Variants in EPB41L3 observed in about 807,000 individuals in gnomAD.
The protein encoded by EPB41L3 is erythrocyte membrane protein band 4.1 like 3, also known as band 4.1-like protein 3.
Under a neutral mutation model 127.1 loss-of-function variants are expected in EPB41L3, and 57 were observed. The ratio of observed to expected loss-of-function variants is 0.45; its 90% CI spans 0.36 to 0.56. The LOEUF is 0.56. EPB41L3 is among the 20% of genes least tolerant of loss of function. The pLI is 0.00. For synonymous variants in EPB41L3, 572 were observed against 549.5 expected (o/e 1.04, Z -0.57); for missense variants, 1,273 against 1,372.2 (o/e 0.93, Z 1.14).
intron 3 of EPB41L3, among the ~76,000 whole-genome samples, chr18:5,460,012 G>A (rs932661755): frequency 2.0e-5 from 3 of 152,170 alleles, no homozygotes; most frequent in Non-Finnish European, 2.9e-5. Flanking sequence ...CAGGCAGTGA[G>A]CATAGTATCC....
chr18:5,582,592 T>C (rs972764286), intron 3 of EPB41L3, among the ~76,000 whole-genome samples: 1 of 152,198 alleles, frequency 6.6e-6, no homozygotes, highest in East Asian at 1.9e-4. Flanking sequence ...CTTGGTATTT[T>C]TTACAAGGTC....
chr18:5,509,568 T>C (rs1314129002), intron 1 of EPB41L3, among the ~76,000 whole-genome samples: 1 of 152,208 alleles, frequency 6.6e-6, no homozygotes, highest in Non-Finnish European at 1.5e-5. Flanking sequence ...CCAAACTGCA[T>C]CTGCTCAAAC....
At chr18:5,555,825 T>A (rs1037870204) in intron 3 of EPB41L3, among the ~76,000 whole-genome samples, 7 of 152,152 alleles carry the variant, frequency 4.6e-5, no homozygotes, top group Non-Finnish European at 1.0e-4. Flanking sequence ...AAGACAACAC[T>A]CTCAAATGCA....
Position 5,620,283 on chromosome 18 carries a change from T to G in EPB41L3, c.-467-5860A>C, listed in dbSNP as rs550611231. On this transcript the variant is annotated intron_variant, in intron 1 of 21. Coordinates refer to the EPB41L3 transcript ENST00000545076. ...ACAATCTGGAAAATGACATTGCTGC[T>G]TACTTTTCCTGAAACACACTTAGTT... Among the ~76,000 whole-genome samples, 34 of 152,330 alleles carry G rather than the reference T, an allele frequency of 2.2e-4. No individual in the cohort carries two copies. The South Asian group carries it at 6.6e-3, about 30-fold the overall frequency.
chr18:5,502,939 G>C (rs906456475), intron 1 of EPB41L3, among the ~76,000 whole-genome samples: 3 of 152,190 alleles, frequency 2.0e-5, no homozygotes, highest in Admixed American at 2.0e-4. Flanking sequence ...CCCTGGCGAG[G>C]CTGCAGATCA....
At chr18:5,489,635 G>T (rs1266545323) in intron 1 of EPB41L3, among the ~76,000 whole-genome samples, 2 of 152,010 alleles carry the variant, frequency 1.3e-5, no homozygotes, top group Non-Finnish European at 2.9e-5. Context: ...CTCTATACAG[G>T]GGCCCTCCCA....
At chr18:5,484,086 CAAAAAAAAA>C (rs57231548) in intron 2 of EPB41L3, among the ~76,000 whole-genome samples, 776 of 18,270 alleles carry the variant, frequency 0.042, 18 homozygotes, top group African/African-American at 0.087. Flanking sequence ...CAAACAAACT[CAAAAAAAAA>C]AAAAAAAAAA....
intron 3 of EPB41L3, among the ~76,000 whole-genome samples, chr18:5,445,972 G>T (rs1313358975): frequency 1.3e-5 from 2 of 152,112 alleles, no homozygotes; most frequent in Non-Finnish European, 2.9e-5. Context: ...CATGAAACTG[G>T]TCCCTGGTGC....
In EPB41L3 at chr18:5,489,064, C is replaced by T; in HGVS notation, c.120G>A (p.Glu40=). Residue 40 remains glutamate (E), a synonymous_variant, in exon 2 of 23, where the codon GAG becomes GAA. Transcript: ENST00000341928. ...CGAACTGCTCCAGGGCCTGCTGCTGCTCCTCCTTGGGCGGCTCCGGCACGG... is the reference window on the plus strand; with the variant it reads ...CGAACTGCTCCAGGGCCTGCTGCTGTTCCTCCTTGGGCGGCTCCGGCACGG... ...GAPVPEPPKE[E]QQQALEQFAA... The T allele has an allele frequency of 6.3e-7, 1 of 1,596,790 alleles. No individual in the cohort carries two copies. Among genetic ancestry groups the T allele is most frequent in the South Asian group, 1.1e-5 (1 of 90,348 alleles).
At chr18:5,580,336 G>A (rs1204926384) in intron 3 of EPB41L3, among the ~76,000 whole-genome samples, 1 of 152,012 alleles carries the variant, frequency 6.6e-6, no homozygotes, top group African/African-American at 2.4e-5. Flanking sequence ...CACATGTATA[G>A]ATACATACTC....
At chr18:5,578,536 C>T (rs1360466597) in intron 3 of EPB41L3, among the ~76,000 whole-genome samples, 1 of 151,954 alleles carries the variant, frequency 6.6e-6, no homozygotes, top group Non-Finnish European at 1.5e-5. Context: ...AGAAATTTGC[C>T]CCACATCTCC....
intron 3 of EPB41L3, among the ~76,000 whole-genome samples, chr18:5,561,051 C>T (rs1029519708): frequency 1.4e-5 from 2 of 147,166 alleles, no homozygotes; most frequent in South Asian, 2.2e-4. Context: ...GATCGCGGCT[C>T]ACTGCAAGCT....
intron 3 of EPB41L3, among the ~76,000 whole-genome samples, chr18:5,561,480 C>T (rs1472172888): frequency 1.3e-5 from 2 of 151,782 alleles, no homozygotes; most frequent in Non-Finnish European, 2.9e-5. Flanking sequence ...CACAAGGAAT[C>T]TAGTAAATAC....
intron 1 of EPB41L3, among the ~76,000 whole-genome samples, chr18:5,491,322 G>A (rs1379783091): frequency 6.6e-6 from 1 of 152,186 alleles, no homozygotes; most frequent in South Asian, 2.1e-4. Context: ...GGACTGTGAC[G>A]TAAGGCAGAA....
At chr18:5,514,649 A>T (rs1302381576) in intron 1 of EPB41L3, among the ~76,000 whole-genome samples, 1 of 152,088 alleles carries the variant, frequency 6.6e-6, no homozygotes, top group Non-Finnish European at 1.5e-5. Flanking sequence ...ATATTTTCAA[A>T]TGAACCTCTT....
chr18:5,529,961 T>C (rs2093359126), intron 1 of EPB41L3, among the ~76,000 whole-genome samples: 1 of 151,400 alleles, frequency 6.6e-6, no homozygotes, highest in African/African-American at 2.4e-5. Context: ...TGTGTGTGTG[T>C]ATCTCAGGGA....
At chr18:5,476,049 G>GT (rs1013033871) in intron 3 of EPB41L3, among the ~76,000 whole-genome samples, 133 of 152,112 alleles carry the variant, frequency 8.7e-4, no homozygotes, top group South Asian at 1.2e-3. Context: ...ATTGTAACAT[G>GT]TTTTTTATTT....
In EPB41L3 at chr18:5,529,829, A is replaced by G. The variant is rs533784669; in HGVS notation, c.-12+14084T>C. Among the ~76,000 whole-genome samples the G allele has an allele frequency of 1.2e-4, 18 of 152,132 alleles. No homozygotes were observed. The East Asian group carries it at 3.3e-3, about 28-fold the overall frequency. On this transcript the variant is annotated intron_variant, in intron 1 of 22. Transcript: ENST00000341928. Reference sequence around the variant, plus strand: ...CTGGACCTCTCTGGCTTGCTGGCTGATACATGAAGGCTACTAGACATGGGT... The same window carrying G: ...CTGGACCTCTCTGGCTTGCTGGCTGGTACATGAAGGCTACTAGACATGGGT...
At chr18:5,558,068 G>A (rs759920197) in intron 3 of EPB41L3, among the ~76,000 whole-genome samples, 9 of 152,144 alleles carry the variant, frequency 5.9e-5, no homozygotes, top group Non-Finnish European at 1.2e-4. Context: ...GCAAGTATTT[G>A]ACATACATTC....
Sources: allele counts gnomAD v4.1 joint callset (sites outside exome capture counted in the v4.1 genomes callset), GRCh38; gene constraint gnomAD v4.1.1; transcripts MANE v1.5; gene names NCBI Gene and HGNC (gene_info 2026-07-23, HGNC 2026-07-21).